Variants in SLC2A5 observed in about 807,000 individuals in gnomAD.
SLC2A5 encodes solute carrier family 2 member 5, also known as solute carrier family 2, facilitated glucose transporter member 5.
Under a neutral mutation model 50.3 loss-of-function variants are expected in SLC2A5, and 56 were observed. The observed-to-expected ratio is 1.11, with a 90% CI of 0.90 to 1.39. The LOEUF (loss-of-function observed/expected upper bound fraction) is 1.39. Among genes scored for constraint, SLC2A5 ranks in the 40% most tolerant of loss-of-function variants. The probability of loss-of-function intolerance (pLI) is 0.00; values close to 1 mark genes in which losing one functional copy is unlikely to be tolerated. For synonymous variants in SLC2A5, 269 were observed against 281.9 expected (o/e 0.95, Z 0.46); for missense variants, 566 against 650.1 (o/e 0.87, Z 1.41).
At chr1:9,048,247 G>A (rs557228515) in intron 3 of SLC2A5, among the ~76,000 whole-genome samples, 2 of 152,246 alleles carry the variant, frequency 1.3e-5, no homozygotes, top group African/African-American at 4.8e-5. Flanking sequence ...GGTGGCTCAC[G>A]CCTGTAATCC....
intron 2 of SLC2A5, among the ~76,000 whole-genome samples, chr1:9,074,900 A>G (rs11121314): frequency 0.38 from 57,767 of 151,680 alleles, 11,422 homozygotes; most frequent in East Asian, 0.46. Flanking sequence ...GTGTGCACCT[A>G]TAGTCCCAGC....
At chr1:9,071,423 C>T (rs1642208821), upstream of SLC2A5, among the ~76,000 whole-genome samples, 1 of 152,136 alleles carries the variant, frequency 6.6e-6, no homozygotes, top group African/African-American at 2.4e-5. Context: ...CCCCATCCTC[C>T]CCCCAAAAAT....
chr1:9,076,118 G>A (rs567085875), intron 2 of SLC2A5, among the ~76,000 whole-genome samples: 10 of 152,050 alleles, frequency 6.6e-5, no homozygotes, highest in Non-Finnish European at 1.5e-4. Context: ...ACTACGCCTG[G>A]CTAATTTTTG....
At chr1:9,090,001 C>T (rs1209807704), upstream of SLC2A5, among the ~76,000 whole-genome samples, 1 of 152,084 alleles carries the variant, frequency 6.6e-6, no homozygotes, top group African/African-American at 2.4e-5. Context: ...AATATGAAGG[C>T]CCATTAGAAC....
upstream of SLC2A5, among the ~76,000 whole-genome samples, chr1:9,092,147 T>G (rs1280986900): frequency 6.6e-6 from 1 of 152,184 alleles, no homozygotes; most frequent in Non-Finnish European, 1.5e-5. Context: ...CACATTTCTT[T>G]AGGGAACAAT....
chr1:9,040,104 G>A lies in SLC2A5; in HGVS notation c.657C>T (p.Tyr219=). 1 of 1,601,358 alleles carries A rather than the reference G, an allele frequency of 6.2e-7. No individual in the cohort carries two copies. Among genetic ancestry groups the A allele is most frequent in the Non-Finnish European group, 8.5e-7 (1 of 1,173,806 alleles). ...CTTCGTCTTTCTTCTGAATCAGCAG[G>A]TACCTGGGGCTCTCGGGGAAGAAGG... is the stretch of plus-strand genomic sequence containing the variant. ...LLPFFPESPR[Y]LLIQKKDEAA... is the part of the protein sequence containing the mutation. The change falls in exon 6 of 12, where the codon TAC becomes TAT. Residue 219 remains tyrosine, a synonymous_variant. Transcript: ENST00000377424. The surrounding 1 kb of genome is among the most constrained non-coding windows in gnomAD (Gnocchi z 4.3).
chr1:9,039,048 A>G, intron 8 of SLC2A5, 119 bp from the exon 9 acceptor site: 1 of 1,181,220 alleles, frequency 8.5e-7, no homozygotes, highest in Non-Finnish European at 1.2e-6. Context: ...ATGTGCACGC[A>G]CACTCACATT....
chr1:9,052,154 T>G (rs1430813806), intron 3 of SLC2A5, among the ~76,000 whole-genome samples: 1 of 152,040 alleles, frequency 6.6e-6, no homozygotes, highest in East Asian at 1.9e-4. Context: ...TGTGGTGGCG[T>G]GCACCTGTAG....
intron 1 of SLC2A5, among the ~76,000 whole-genome samples, chr1:9,065,980 C>T (rs1188017243): frequency 6.6e-6 from 1 of 152,090 alleles, no homozygotes; most frequent in Non-Finnish European, 1.5e-5. Context: ...ATGATACCAC[C>T]ACAGGAATAA....
chr1:9,041,790 AC>A lies in SLC2A5; in HGVS notation c.565del (p.Val189Ter), dbSNP rs768340170. The A allele has an allele frequency of 5.6e-6, 9 of 1,614,066 alleles. No homozygotes were observed. Among genetic ancestry groups the A allele is most frequent in the Non-Finnish European group, 6.8e-6 (8 of 1,180,016 alleles). On this transcript the variant is annotated frameshift_variant, in exon 5 of 12. Coordinates refer to ENST00000377424, the MANE Select transcript of SLC2A5 (RefSeq NM_003039.3). LOFTEE classifies it high-confidence loss of function. ...CCGAGATGTCCTGAACTCACCATCTACGTTTGCAAGGAGATTCCGAAGACCA... is the reference window on the plus strand; with the variant it reads ...CCGAGATGTCCTGAACTCACCATCTAGTTTGCAAGGAGATTCCGAAGACCA... ...IFGLRNLLAN[V>X]DGWPILLGLT...
chr1:9,092,458 C>G (rs1642469731), upstream of SLC2A5, among the ~76,000 whole-genome samples: 1 of 152,154 alleles, frequency 6.6e-6, no homozygotes, highest in South Asian at 2.1e-4. Flanking sequence ...GAGTTAAAAG[C>G]CATTTCCCAT....
At chr1:9,080,235 A>G (rs948552921) in intron 2 of SLC2A5, among the ~76,000 whole-genome samples, 2 of 152,160 alleles carry the variant, frequency 1.3e-5, no homozygotes, top group African/African-American at 4.8e-5. Flanking sequence ...GCTTCTATTA[A>G]TACCTTTGGC....
intron 2 of SLC2A5, among the ~76,000 whole-genome samples, chr1:9,081,855 G>A (rs548566294): frequency 1.5e-4 from 23 of 152,264 alleles, no homozygotes; most frequent in Middle Eastern, 6.8e-3. Flanking sequence ...GCTGAGGTGG[G>A]TGGATCGTTT....
chr1:9,076,877 T>C (rs180706940), intron 2 of SLC2A5, among the ~76,000 whole-genome samples: 2 of 150,630 alleles, frequency 1.3e-5, no homozygotes, highest in East Asian at 3.9e-4. Flanking sequence ...GCAACCTCCG[T>C]CTCCCGGGTT....
intron 2 of SLC2A5, among the ~76,000 whole-genome samples, chr1:9,080,975 C>T (rs967535167): frequency 1.3e-5 from 2 of 152,180 alleles, no homozygotes; most frequent in South Asian, 2.1e-4. Flanking sequence ...TGAGGTTGCT[C>T]ACGCCTGCAA....
At chr1:9,090,795 A>G (rs776072547), upstream of SLC2A5, among the ~76,000 whole-genome samples, 1 of 152,216 alleles carries the variant, frequency 6.6e-6, no homozygotes, top group Admixed American at 6.5e-5. Flanking sequence ...TATTTCTGTC[A>G]GGCACTTCAA....
chr1:9,070,820 C>A (rs1642198148), upstream of SLC2A5, among the ~76,000 whole-genome samples: 1 of 151,810 alleles, frequency 6.6e-6, no homozygotes, highest in African/African-American at 2.4e-5. Context: ...TGTGAGAAGC[C>A]TAGCAGCGTG....
chr1:9,082,805 G>A, intron 2 of SLC2A5: 1 of 433,430 alleles, frequency 2.3e-6, no homozygotes, highest in South Asian at 1.8e-5. Flanking sequence ...GTCTTTCCTG[G>A]GTTTTGAATT....
chr1:9,089,809 C>A (rs939417176), upstream of SLC2A5, among the ~76,000 whole-genome samples: 152 of 152,310 alleles, frequency 1.0e-3, 1 homozygote, highest in African/African-American at 3.6e-3. Context: ...ATAATGAAGC[C>A]CCCTGACCAT....
Sources: allele counts gnomAD v4.1 joint callset (sites outside exome capture counted in the v4.1 genomes callset), GRCh38; gene constraint gnomAD v4.1.1; non-coding constraint Gnocchi (gnomAD v3.1); transcripts MANE v1.5; gene names NCBI Gene and HGNC (gene_info 2026-07-23, HGNC 2026-07-21).